The following MAP3K4 variants were observed in gnomAD, a reference collection of about 807,000 sequenced individuals.
The protein encoded by MAP3K4 is mitogen-activated protein kinase kinase kinase 4.
Under a neutral mutation model 185.6 loss-of-function variants are expected in MAP3K4, and 67 were observed. The ratio of observed to expected loss-of-function variants is 0.36; its 90% CI spans 0.30 to 0.44. The LOEUF (loss-of-function observed/expected upper bound fraction) is 0.44, where lower values mean the gene tolerates loss of function less well. MAP3K4 is among the 20% of genes least tolerant of loss of function. MAP3K4 has a pLI of 1.00. For missense variants in MAP3K4, 1,551 were observed against 1,995.1 expected, an observed-to-expected ratio of 0.78 and a Z score of 4.24; for synonymous variants, 702 against 710.4, an observed-to-expected ratio of 0.99 and a Z score of 0.19.
At chr6:161,031,852 C>G (rs769093730) in intron 1 of MAP3K4, among the ~76,000 whole-genome samples, 1 of 152,208 alleles carries the variant, frequency 6.6e-6, no homozygotes, top group Non-Finnish European at 1.5e-5. Context: ...ACCAGGACGG[C>G]TGAGACATGG....
In MAP3K4 at chr6:161,097,025, T is replaced by G; in HGVS notation, c.3428-55T>G. ...TTTTCCATTTGACTGTTTGGTTTGATGATTTTCTGTGGACCATATTAACAA... is the reference window on the plus strand; with the variant it reads ...TTTTCCATTTGACTGTTTGGTTTGAGGATTTTCTGTGGACCATATTAACAA... On this transcript the variant is annotated intron_variant, in intron 15 of 26. Coordinates refer to ENST00000392142, the MANE Select transcript of MAP3K4 (RefSeq NM_005922.4). The surrounding 1 kb of genome is among the most constrained non-coding windows in gnomAD (Gnocchi z 4.9). 1 of 1,435,484 alleles carries G rather than the reference T, an allele frequency of 7.0e-7. No homozygotes were observed. Among genetic ancestry groups the G allele is most frequent in the South Asian group, 1.1e-5 (1 of 87,044 alleles). 88.9% of individuals were successfully genotyped at this position (1,435,484 alleles called of 1,614,324 possible). A position where few individuals can be genotyped will look rare whatever the true frequency, so the allele number is the denominator to read the frequency against.
chr6:161,116,357 G>A lies in MAP3K4; in HGVS notation c.4807-493G>A, dbSNP rs1354083265. ...TAGGGCACAGGTGTGGGAGACAGAA[G>A]TATTGCTGGGAGGGTCCACAGAGGA... On this transcript the variant is annotated intron_variant, in intron 26 of 26. Transcript: ENST00000392142. The surrounding 1 kb of genome is among the most constrained non-coding windows in gnomAD (Gnocchi z 6.2). 1.3e-5 allele frequency among the ~76,000 whole-genome samples: 2 copies of A among 152,004 alleles called. No individual in the cohort carries two copies. The highest frequency in any genetic ancestry group is 1.5e-5 in the Non-Finnish European group (1 of 68,020).
At chr6:161,058,687 A>ATGCT (rs1222479864) in intron 3 of MAP3K4, among the ~76,000 whole-genome samples, 1 of 152,090 alleles carries the variant, frequency 6.6e-6, no homozygotes, top group Non-Finnish European at 1.5e-5. Context: ...AAATGTGATA[A>ATGCT]TGCTATACAT....
rs1005472110 is a variant in MAP3K4, at chr6:161,064,930, A to C, written c.1708-5678A>C. Among the ~76,000 whole-genome samples, 2 of 152,162 alleles carry C rather than the reference A, an allele frequency of 1.3e-5. No homozygotes were observed. ...TTCGTGGAGTCCAAGGTATTGTCCA[A>C]ACAGGTTTCCCTCAGGAAGGTTTAA... On this transcript the variant is annotated intron_variant, in intron 3 of 26. Coordinates refer to ENST00000392142, the MANE Select transcript of MAP3K4 (RefSeq NM_005922.4). The surrounding 1 kb of genome is among the most constrained non-coding windows in gnomAD (Gnocchi z 4.3).
chr6:161,108,158 C>T lies in MAP3K4; in HGVS notation c.4119+189C>T. 6.6e-6 allele frequency among the ~76,000 whole-genome samples: 1 copy of T among 152,160 alleles called. No individual in the cohort carries two copies. Among genetic ancestry groups the T allele is most frequent in the East Asian group, 1.9e-4 (1 of 5,196 alleles). ...ACAGACAGTGAAGGGGCTTACGATT[C>T]CAGAGAGGATAATAAGTCACAGACA... On this transcript the variant is annotated intron_variant, in intron 21 of 26. Transcript: ENST00000392142. The surrounding 1 kb of genome is among the most constrained non-coding windows in gnomAD (Gnocchi z 5.7).
In MAP3K4 at chr6:161,103,817, A is replaced by G. The variant is rs11757309; in HGVS notation, c.3856+1038A>G. Among the ~76,000 whole-genome samples, 5,838 of 152,316 alleles carry G rather than the reference A, an allele frequency of 0.038. 147 individuals carry two copies. The highest frequency in any genetic ancestry group is 0.072 in the South Asian group (346 of 4,828). On this transcript the variant is annotated intron_variant, in intron 19 of 26. Transcript: ENST00000392142. The surrounding 1 kb of genome is among the most constrained non-coding windows in gnomAD (Gnocchi z 4.6). Reference sequence around the variant, plus strand: ...CCATTGCAGAAATTCAGTATAAATAATACGATACTGGACTAATGTGGGATT... The same window carrying G: ...CCATTGCAGAAATTCAGTATAAATAGTACGATACTGGACTAATGTGGGATT...
At position 161,077,494 on chromosome 6, in the gene MAP3K4, G is replaced by A. The variant is rs754958816; in HGVS notation, c.2098-3387G>A. Among the ~76,000 whole-genome samples the A allele has an allele frequency of 8.5e-5, 13 of 152,178 alleles. No individual in the cohort carries two copies. The highest frequency in any genetic ancestry group is 4.6e-4 in the Admixed American group (7 of 15,282). The stretch of plus-strand genomic sequence containing the variant: ...TAGCAGGTGCGGTCCGCTTGGGAAA[G>A]GAGCCTGGCAAGAGCAAGGCACCGC... On this transcript the variant is annotated intron_variant, in intron 5 of 26. Coordinates refer to ENST00000392142, the MANE Select transcript of MAP3K4 (RefSeq NM_005922.4). This position sits in a 1 kb window ranked among gnomAD's most constrained non-coding sequence, Gnocchi z 4.3.
At position 161,116,999 on chromosome 6, in the gene MAP3K4, A is replaced by T. The variant is rs1291907764; in HGVS notation, c.*129A>T. On this transcript the variant is annotated 3_prime_UTR_variant, in exon 27 of 27. Transcript: ENST00000392142. This position sits in a 1 kb window ranked among gnomAD's most constrained non-coding sequence, Gnocchi z 6.2. ...AAGACTGAAGACTGCACAGGTGACA[A>T]GCGTCACTTCTCCTGCTGCTCCTGT... 1.2e-6 allele frequency: 1 copy of T among 820,330 alleles called. No individual in the cohort carries two copies. Among genetic ancestry groups the T allele is most frequent in the Admixed American group, 2.2e-5 (1 of 44,592 alleles). The allele number at this position is 820,330 out of a possible 1,614,324, so 50.8% of individuals were successfully genotyped here. A position where few individuals can be genotyped will look rare whatever the true frequency, so the allele number is the denominator to read the frequency against.
chr6:161,042,908 GCACACACACACACACACA>G (rs58595402), intron 2 of MAP3K4, among the ~76,000 whole-genome samples: 4 of 149,386 alleles, frequency 2.7e-5, no homozygotes, highest in African/African-American at 9.8e-5. Context: ...ATGAGAATTT[GCACACACACACACACACA>G]CACACACACA....
rs6902760 is a variant in MAP3K4, at chr6:161,082,892, C to T, written c.2256-1609C>T. ...TGAATGGTCTGGTTAAAGTGTATGT[C>T]AGACCATTGTCTTCTCTCAATTTCC... On this transcript the variant is annotated intron_variant, in intron 6 of 26. Transcript: ENST00000392142. The surrounding 1 kb of genome is among the most constrained non-coding windows in gnomAD (Gnocchi z 4.2). Among the ~76,000 whole-genome samples the T allele has an allele frequency of 0.87, 131,816 of 152,228 alleles. 57,164 individuals are homozygous for T. The highest frequency in any genetic ancestry group is 0.99 in the East Asian group (5,125 of 5,166).
Position 161,049,086 on chromosome 6 carries a change from C to G in MAP3K4, c.814C>G (p.His272Asp). Residue 272 changes from histidine to aspartate, a missense_variant, in exon 3 of 27, where the codon CAT becomes GAT. His to Asp is a moderately conservative substitution (Grantham distance 81). Transcript: ENST00000392142. The surrounding 1 kb of genome is among the most constrained non-coding windows in gnomAD (Gnocchi z 8.4). ...ELIWLELQAW[H>D]AGRTINDQDF... Reference sequence around the variant, plus strand: ...GATCTGGTTAGAGCTACAAGCCTGGCATGCAGGACGGACAATTAACGACCA... The same window carrying G: ...GATCTGGTTAGAGCTACAAGCCTGGGATGCAGGACGGACAATTAACGACCA... 1 of 1,614,148 alleles carries G rather than the reference C, an allele frequency of 6.2e-7. No homozygotes were observed.
At chr6:160,994,672 C>G (rs1189004090) in intron 1 of MAP3K4, among the ~76,000 whole-genome samples, 2 of 152,068 alleles carry the variant, frequency 1.3e-5, no homozygotes, top group African/African-American at 4.8e-5. Context: ...ATTGCTGGAT[C>G]AAATGGTAGT....
intron 1 of MAP3K4, among the ~76,000 whole-genome samples, chr6:161,018,903 T>C (rs1223948930): frequency 6.6e-6 from 1 of 152,168 alleles, no homozygotes; most frequent in Non-Finnish European, 1.5e-5. Context: ...TTACGTGAAA[T>C]GATAGATATG....
chr6:161,013,068 T>C (rs1781921970), intron 1 of MAP3K4, among the ~76,000 whole-genome samples: 1 of 152,208 alleles, frequency 6.6e-6, no homozygotes, highest in Non-Finnish European at 1.5e-5. Flanking sequence ...TTTTGAACAC[T>C]TTTAAAGGTT....
At position 161,093,525 on chromosome 6, in the gene MAP3K4, T is replaced by TCAA. The variant is rs1386650936; in HGVS notation, c.3349-248_3349-247insCAA. On this transcript the variant is annotated intron_variant, in intron 14 of 26. Coordinates refer to ENST00000392142, the MANE Select transcript of MAP3K4 (RefSeq NM_005922.4). This position sits in a 1 kb window ranked among gnomAD's most constrained non-coding sequence, Gnocchi z 5.2. ...AGAGACGATTACATGAAAAGTTCTT[T>TCAA]GCTTGTACACGTTATTGTGTTATGG... is the stretch of plus-strand genomic sequence containing the variant. Among the ~76,000 whole-genome samples the TCAA allele has an allele frequency of 2.0e-5, 3 of 152,252 alleles. No individual in the cohort carries two copies. Among genetic ancestry groups the TCAA allele is most frequent in the Non-Finnish European group, 4.4e-5 (3 of 68,046 alleles).
rs1468118915 is a variant in MAP3K4, at chr6:161,110,385, C to CAA, written c.4396+471_4396+472insAA. On this transcript the variant is annotated intron_variant, in intron 23 of 26. Transcript: ENST00000392142. This position sits in a 1 kb window ranked among gnomAD's most constrained non-coding sequence, Gnocchi z 4.8. ...TTTACACAAACCTTGAAATTGAGTT[C>CAA]TGCTGAAGGTTATTTTGGCCATGCT... Among the ~76,000 whole-genome samples, 2 of 152,184 alleles carry CAA rather than the reference C, an allele frequency of 1.3e-5. No homozygotes were observed. The highest frequency in any genetic ancestry group is 2.4e-5 in the African/African-American group (1 of 41,438).
chr6:161,113,272 C>A (rs1778431655), intron 25 of MAP3K4, among the ~76,000 whole-genome samples: 1 of 152,114 alleles, frequency 6.6e-6, no homozygotes, highest in African/African-American at 2.4e-5. Flanking sequence ...AGATGCCAGT[C>A]TAAAAAGCCT....
chr6:161,073,731 A>G lies in MAP3K4; in HGVS notation c.2097+119A>G. The G allele has an allele frequency of 9.8e-7, 1 of 1,019,412 alleles. No homozygotes were observed. The highest frequency in any genetic ancestry group is 1.4e-6 in the Non-Finnish European group (1 of 719,358). The allele number at this position is 1,019,412 out of a possible 1,614,324, so 63.1% of individuals were successfully genotyped here. ...CATACATATTCAGATAAACTTCTCTAGTAATGAATTATAGAAATGATCCCT... is the reference window on the plus strand; with the variant it reads ...CATACATATTCAGATAAACTTCTCTGGTAATGAATTATAGAAATGATCCCT... On this transcript the variant is annotated intron_variant, in intron 5 of 26. Coordinates refer to ENST00000392142, the MANE Select transcript of MAP3K4 (RefSeq NM_005922.4). This position sits in a 1 kb window ranked among gnomAD's most constrained non-coding sequence, Gnocchi z 4.2.
rs1161948336 is a variant in MAP3K4 at position 161,017,655 on chromosome 6, G to A, written c.153-16604G>A. On this transcript the variant is annotated intron_variant, in intron 1 of 26. Transcript: ENST00000392142. The surrounding 1 kb of genome is among the most constrained non-coding windows in gnomAD (Gnocchi z 5.1). ...AATTTGACTATCTGTAAGTGTTTTA[G>A]CCTCCAAAATGAGGTGATTTTTGCC... 2.6e-5 allele frequency among the ~76,000 whole-genome samples: 4 copies of A among 152,134 alleles called. No individual in the cohort carries two copies. Among genetic ancestry groups the A allele is most frequent in the Non-Finnish European group, 5.9e-5 (4 of 68,010 alleles).
Sources: allele counts gnomAD v4.1 joint callset (sites outside exome capture counted in the v4.1 genomes callset), GRCh38; gene constraint gnomAD v4.1.1; non-coding constraint Gnocchi (gnomAD v3.1); transcripts MANE v1.5; gene names NCBI Gene and HGNC (gene_info 2026-07-23, HGNC 2026-07-21).